PDE1C: variants seen among roughly 807,000 people sequenced by gnomAD.
PDE1C encodes the protein dual specificity calcium/calmodulin-dependent 3',5'-cyclic nucleotide phosphodiesterase 1C.
In PDE1C, 62 loss-of-function variants were observed where a neutral mutation model predicts 93.1. That is an observed-to-expected ratio of 0.67 (90% CI 0.54 to 0.82). The LOEUF is 0.82. Among genes scored for constraint, PDE1C ranks in the 40% least tolerant of loss-of-function variants. The pLI, the probability that PDE1C is intolerant of heterozygous loss-of-function variation, is 0.00. For synonymous variants in PDE1C, 325 were observed against 310.1 expected (o/e 1.05, Z -0.50); for missense variants, 742 against 884.6 (o/e 0.84, Z 2.04).
intron 16 of PDE1C, chr7:31,790,364 A>C (rs1489524187): frequency 2.2e-6 from 2 of 892,356 alleles, no homozygotes; most frequent in Admixed American, 2.1e-5. Context: ...ACCAAAAAAA[A>C]TGGGATAACC....
At position 32,394,543 on chromosome 7, in the gene PDE1C, C is replaced by T. The variant is rs538003000; in HGVS notation, c.310+33279G>A. ...AGAGTCTGGGTTGGGCACATTGACTCATGCCTGTAATCTCAGCACTTTGGG... is the reference window on the plus strand; with the variant it reads ...AGAGTCTGGGTTGGGCACATTGACTTATGCCTGTAATCTCAGCACTTTGGG... On this transcript the variant is annotated intron_variant, in intron 1 of 1. Transcript: ENST00000672256. Among the ~76,000 whole-genome samples, 4 of 152,360 alleles carry T rather than the reference C, an allele frequency of 2.6e-5. No individual in the cohort carries two copies. In the East Asian group the frequency reaches 7.7e-4, roughly 29 times the overall value.
chr7:32,405,452 T>A (rs1004946335), intron 1 of PDE1C, among the ~76,000 whole-genome samples: 7 of 152,104 alleles, frequency 4.6e-5, no homozygotes, highest in African/African-American at 1.7e-4. Context: ...GGTTTCTCCA[T>A]GTTGGTCAGG....
At chr7:32,005,555 C>CAAAAAAAAAAAAAAA (rs59246166) in intron 2 of PDE1C, among the ~76,000 whole-genome samples, 21 of 50,758 alleles carry the variant, frequency 4.1e-4, no homozygotes, top group Non-Finnish European at 6.7e-4. Context: ...GACTCCATTT[C>CAAAAAAAAAAAAAAA]AAAAAAAAAA....
At chr7:32,094,725 A>G (rs1797660689) in intron 3 of PDE1C, among the ~76,000 whole-genome samples, 1 of 152,226 alleles carries the variant, frequency 6.6e-6, no homozygotes, top group African/African-American at 2.4e-5. Context: ...ATGGGCTCCC[A>G]GTTTTAAGGC....
chr7:31,929,207 G>A (rs1265408828), intron 2 of PDE1C, among the ~76,000 whole-genome samples: 1 of 152,020 alleles, frequency 6.6e-6, no homozygotes, highest in Non-Finnish European at 1.5e-5. Flanking sequence ...TTACATAATG[G>A]TAAAGGGATC....
chr7:32,387,940 CT>C (rs1177029177), intron 1 of PDE1C, among the ~76,000 whole-genome samples: 12 of 152,194 alleles, frequency 7.9e-5, no homozygotes, highest in Admixed American at 3.9e-4. Flanking sequence ...TCTTCCAAAG[CT>C]TTCCTGGCCT....
intron 2 of PDE1C, among the ~76,000 whole-genome samples, chr7:32,008,508 G>C (rs1412168405): frequency 6.6e-6 from 1 of 152,242 alleles, no homozygotes; most frequent in Non-Finnish European, 1.5e-5. Flanking sequence ...CTACTACTGG[G>C]TTCAGGGATT....
chr7:31,695,421 C>G, the PDE1C span: 1 of 1,526,878 alleles, frequency 6.5e-7, no homozygotes, highest in African/African-American at 1.4e-5. Flanking sequence ...GTGACTGGAT[C>G]CTTAATCATG....
intron 3 of PDE1C, among the ~76,000 whole-genome samples, chr7:32,087,654 T>C (rs932216983): frequency 1.3e-5 from 2 of 152,140 alleles, no homozygotes; most frequent in Non-Finnish European, 2.9e-5. Flanking sequence ...ATATACACCA[T>C]GGAATACTAT....
At chr7:31,840,059 T>G (rs1242067911) in intron 9 of PDE1C, among the ~76,000 whole-genome samples, 2 of 152,046 alleles carry the variant, frequency 1.3e-5, no homozygotes, top group African/African-American at 4.8e-5. Flanking sequence ...AAAAAGAAAC[T>G]GCCAAATATT....
At chr7:31,667,241 C>T in the PDE1C span, among the ~76,000 whole-genome samples, 1 of 152,178 alleles carries the variant, frequency 6.6e-6, no homozygotes, top group African/African-American at 2.4e-5. Flanking sequence ...GGTTCAGGCC[C>T]AGAATCTGAG....
chr7:32,008,245 T>C (rs1242047381), intron 2 of PDE1C, among the ~76,000 whole-genome samples: 1 of 152,198 alleles, frequency 6.6e-6, no homozygotes, highest in Non-Finnish European at 1.5e-5. Flanking sequence ...CACTGGTATT[T>C]TATTCCATGT....
At chr7:31,768,626 TC>T (rs1364762577) in intron 17 of PDE1C, among the ~76,000 whole-genome samples, 1 of 152,190 alleles carries the variant, frequency 6.6e-6, no homozygotes, top group Non-Finnish European at 1.5e-5. Context: ...CATCCCGCCT[TC>T]CATCTATAGC....
chr7:31,665,042 A>G, the PDE1C span, among the ~76,000 whole-genome samples: 1 of 152,190 alleles, frequency 6.6e-6, no homozygotes, highest in African/African-American at 2.4e-5. Flanking sequence ...GACCTTGCAT[A>G]GCTCTCTGAC....
intron 1 of PDE1C, among the ~76,000 whole-genome samples, chr7:32,403,041 G>C (rs1378898601): frequency 2.6e-5 from 4 of 152,162 alleles, no homozygotes; most frequent in Admixed American, 2.6e-4. Context: ...ACCCGAAATA[G>C]AGGTGAGAGC....
intron 17 of PDE1C, among the ~76,000 whole-genome samples, chr7:31,763,373 T>C (rs1235716302): frequency 6.6e-6 from 1 of 152,160 alleles, no homozygotes; most frequent in East Asian, 1.9e-4. Context: ...AAACTAAGAA[T>C]AGATCTAAGA....
At chr7:32,322,765 G>A (rs1354111342) in intron 1 of PDE1C, among the ~76,000 whole-genome samples, 4 of 151,994 alleles carry the variant, frequency 2.6e-5, no homozygotes, top group African/African-American at 9.7e-5. Context: ...ACAGGCGCCT[G>A]CCACCACACC....
intron 2 of PDE1C, among the ~76,000 whole-genome samples, chr7:31,996,395 A>G (rs11981440): frequency 0.018 from 2,705 of 152,300 alleles, 74 homozygotes; most frequent in African/African-American, 0.061. Context: ...AAGTCTTTAC[A>G]CACTCAGAAA....
intron 1 of PDE1C, among the ~76,000 whole-genome samples, chr7:32,380,491 C>T (rs1436515217): frequency 6.6e-6 from 1 of 151,560 alleles, no homozygotes; most frequent in Non-Finnish European, 1.5e-5. Flanking sequence ...TGTCATCCAC[C>T]CACCTTGGCC....
Sources: allele counts gnomAD v4.1 joint callset (sites outside exome capture counted in the v4.1 genomes callset), GRCh38; gene constraint gnomAD v4.1.1; transcripts MANE v1.5; gene names NCBI Gene and HGNC (gene_info 2026-07-23, HGNC 2026-07-21).